CAPN13: variants seen among roughly 807,000 people sequenced by gnomAD.
CAPN13 encodes calpain 13, also known as calpain-13.
Under a neutral mutation model 98.4 loss-of-function variants are expected in CAPN13, and 90 were observed. The ratio of observed to expected loss-of-function variants is 0.92; its 90% CI spans 0.77 to 1.09. The LOEUF is 1.09. Among genes scored for constraint, CAPN13 ranks in the 50% least tolerant of loss-of-function variants. The pLI, the probability that CAPN13 is intolerant of heterozygous loss-of-function variation, is 0.00. For missense variants in CAPN13, 887 were observed against 841.3 expected, an observed-to-expected ratio of 1.05 and a Z score of -0.67; for synonymous variants, 330 against 305.5, an observed-to-expected ratio of 1.08 and a Z score of -0.84.
chr2:30,757,633 G>A (rs1672522267), intron 8 of CAPN13, among the ~76,000 whole-genome samples: 1 of 152,150 alleles, frequency 6.6e-6, no homozygotes, highest in Non-Finnish European at 1.5e-5. Context: ...GAATCCCATG[G>A]GTCCCTCCAA....
At chr2:30,800,136 G>GAAAGA (rs1558351516) in intron 1 of CAPN13, among the ~76,000 whole-genome samples, 42 of 144,536 alleles carry the variant, frequency 2.9e-4, no homozygotes, top group African/African-American at 1.1e-3. Context: ...AAGAAAGAAA[G>GAAAGA]AAAGAAAGAA....
chr2:30,765,709 T>G (rs562912940), intron 5 of CAPN13, among the ~76,000 whole-genome samples: 1 of 152,170 alleles, frequency 6.6e-6, no homozygotes, highest in Non-Finnish European at 1.5e-5. Flanking sequence ...CTTCAGCAAA[T>G]GCGTATCGTA....
chr2:30,729,011 G>C (rs1670961621), intron 22 of CAPN13, among the ~76,000 whole-genome samples: 1 of 152,142 alleles, frequency 6.6e-6, no homozygotes, highest in African/African-American at 2.4e-5. Context: ...TTTTTAAATG[G>C]GAGTTAAATG....
intron 2 of CAPN13, among the ~76,000 whole-genome samples, chr2:30,780,887 G>T (rs1337678413): frequency 1.3e-5 from 2 of 152,212 alleles, no homozygotes; most frequent in Admixed American, 1.3e-4. Context: ...AGATGGCTGG[G>T]AAAATGTGAA....
intron 1 of CAPN13, among the ~76,000 whole-genome samples, chr2:30,796,974 G>A (rs1390324200): frequency 6.6e-6 from 1 of 152,220 alleles, no homozygotes; most frequent in African/African-American, 2.4e-5. Flanking sequence ...CAAGCCCTTT[G>A]CTTGCAAGCA....
At chr2:30,764,525 C>T (rs1673015259) in intron 5 of CAPN13, among the ~76,000 whole-genome samples, 1 of 152,294 alleles carries the variant, frequency 6.6e-6, no homozygotes, top group Non-Finnish European at 1.5e-5. Flanking sequence ...CCCTGGTCCC[C>T]CAGGCCTGCA....
At position 30,753,217 on chromosome 2, in the gene CAPN13, CA is replaced by C. The variant is rs527621800; in HGVS notation, c.942-20del. The C allele has an allele frequency of 1.9e-5, 30 of 1,613,308 alleles. No individual in the cohort carries two copies. The East Asian group carries it at 4.9e-4, about 26-fold the overall frequency. On this transcript the variant is annotated intron_variant, in intron 9 of 22. Coordinates refer to ENST00000295055, the MANE Select transcript of CAPN13 (RefSeq NM_144575.3). ...CGACATCCTGTTAAAAACAGATATA[CA>C]TCACTCAGTGACCAGGGGTTGTGTC...
chr2:30,782,646 C>T (rs935056341), intron 2 of CAPN13, among the ~76,000 whole-genome samples: 1 of 152,180 alleles, frequency 6.6e-6, no homozygotes, highest in Admixed American at 6.5e-5. Context: ...GTGCCTCCCT[C>T]TAGGATGGCC....
intron 7 of CAPN13, among the ~76,000 whole-genome samples, chr2:30,758,810 TCCC>T (rs1672619527): frequency 2.9e-5 from 1 of 34,400 alleles, no homozygotes; most frequent in African/African-American, 9.3e-5. Context: ...CTCCCTCCCT[TCCC>T]TTCCTCCCTT....
At position 30,741,952 on chromosome 2, in the gene CAPN13, C is replaced by A; in HGVS notation, c.1492G>T (p.Glu498Ter). Residue 498 changes from glutamate to a stop codon, truncating the protein, a stop_gained, in exon 15 of 23, where the codon GAA becomes TAA. Transcript: ENST00000295055. LOFTEE classifies it high-confidence loss of function. ...FNLRMKGSPS[E>*]HGSQQSIFNR... ...AAAATGCTTTGTTGGGAGCCATGTT[C>A]TGAAGGGCTTCCCTGGATCAAAGGG... 6.2e-7 allele frequency: 1 copy of A among 1,613,914 alleles called. No homozygotes were observed. Among genetic ancestry groups the A allele is most frequent in the East Asian group, 2.2e-5 (1 of 44,872 alleles).
intron 8 of CAPN13, among the ~76,000 whole-genome samples, 163 bp from the exon 9 acceptor site, chr2:30,754,527 C>T (rs1010828502): frequency 2.1e-4 from 32 of 152,274 alleles, no homozygotes; most frequent in Middle Eastern, 3.4e-3. Context: ...TACCTGTTGA[C>T]GACTTCCAAA....
At chr2:30,741,060 G>T (rs1671626967) in intron 15 of CAPN13, among the ~76,000 whole-genome samples, 2 of 152,220 alleles carry the variant, frequency 1.3e-5, no homozygotes, top group Non-Finnish European at 2.9e-5. Flanking sequence ...GGCCGGCCTT[G>T]TCATGCAGTG....
intron 4 of CAPN13, among the ~76,000 whole-genome samples, chr2:30,771,272 A>G (rs10204531): frequency 0.053 from 8,088 of 152,314 alleles, 276 homozygotes; most frequent in African/African-American, 0.091. Context: ...CAGGGCTTCC[A>G]GCTTCAGCCC....
At chr2:30,768,290 G>A (rs974808254) in intron 5 of CAPN13, among the ~76,000 whole-genome samples, 1 of 152,230 alleles carries the variant, frequency 6.6e-6, no homozygotes, top group Non-Finnish European at 1.5e-5. Context: ...GGAATCGGGT[G>A]GAAAGCAGCA....
intron 1 of CAPN13, among the ~76,000 whole-genome samples, chr2:30,791,948 G>A (rs1674628682): frequency 6.6e-6 from 1 of 152,040 alleles, no homozygotes; most frequent in Non-Finnish European, 1.5e-5. Flanking sequence ...AATTACATCT[G>A]CCCAGAAACA....
At chr2:30,800,555 CT>C (rs1558352343) in intron 1 of CAPN13, among the ~76,000 whole-genome samples, 2 of 152,204 alleles carry the variant, frequency 1.3e-5, no homozygotes, top group African/African-American at 2.4e-5. Context: ...GCTCCCTCCC[CT>C]AGCCTCGGTC....
chr2:30,757,285 T>C (rs1468605428), intron 8 of CAPN13, among the ~76,000 whole-genome samples: 1 of 152,248 alleles, frequency 6.6e-6, no homozygotes, highest in African/African-American at 2.4e-5. Flanking sequence ...TCAGGACTAC[T>C]GTCTCTTTCA....
Position 30,770,336 on chromosome 2 carries a change from G to A in CAPN13, c.501C>T (p.Cys167=), listed in dbSNP as rs747717620. Residue 167 remains cysteine (C), a synonymous_variant, in exon 5 of 23, where the codon TGC becomes TGT. Transcript: ENST00000295055. ...PRHQNQEFWP[C]LLEKAYAKLL... ...ACTTGGCATAGGCCTTCTCCAGCAG[G>A]CAGGGCCAGAACTCTTGGTTTTGGT... 6.2e-7 allele frequency: 1 copy of A among 1,613,950 alleles called. No individual in the cohort carries two copies. The highest frequency in any genetic ancestry group is 8.5e-7 in the Non-Finnish European group (1 of 1,179,834).
intron 15 of CAPN13, among the ~76,000 whole-genome samples, chr2:30,739,697 G>T (rs1212481675): frequency 6.6e-6 from 1 of 152,130 alleles, no homozygotes; most frequent in African/African-American, 2.4e-5. Flanking sequence ...CAGCTTTGGG[G>T]CATGGACCGT....
Sources: allele counts gnomAD v4.1 joint callset (sites outside exome capture counted in the v4.1 genomes callset), GRCh38; gene constraint gnomAD v4.1.1; transcripts MANE v1.5; gene names NCBI Gene and HGNC (gene_info 2026-07-23, HGNC 2026-07-21).